The following GNB1 variants were observed in gnomAD, a reference collection of about 807,000 sequenced individuals.
GNB1 encodes guanine nucleotide-binding protein G(I)/G(S)/G(T) subunit beta-1.
In GNB1, 2 loss-of-function variants were observed where a neutral mutation model predicts 42.9. The observed-to-expected ratio is 0.05, with a 90% CI of 0.02 to 0.15. The LOEUF (loss-of-function observed/expected upper bound fraction) is 0.15, where lower values mean the gene tolerates loss of function less well. GNB1 is among the 10% of genes least tolerant of loss of function. GNB1 has a pLI of 1.00. For missense variants in GNB1, 193 were observed against 462.2 expected (o/e 0.42, Z 5.34); for synonymous variants, 183 against 174.7 (o/e 1.05, Z -0.38).
intron 7 of GNB1, among the ~76,000 whole-genome samples, chr1:1,798,970 A>G (rs1314909106): frequency 6.9e-6 from 1 of 145,270 alleles, no homozygotes; most frequent in African/African-American, 2.5e-5. Context: ...CCCAGGTTGG[A>G]GTGCGGTGGC....
At chr1:1,855,429 C>T (rs1036444652) in intron 1 of GNB1, among the ~76,000 whole-genome samples, 7 of 151,744 alleles carry the variant, frequency 4.6e-5, no homozygotes, top group South Asian at 2.1e-4. Flanking sequence ...CGGCCGGGCG[C>T]GGTGGCTCAC....
chr1:1,833,106 C>A (rs1400973418), intron 2 of GNB1, among the ~76,000 whole-genome samples: 1 of 152,136 alleles, frequency 6.6e-6, no homozygotes, highest in African/African-American at 2.4e-5. Context: ...TAGCCGCACA[C>A]CCCTGAGCCT....
chr1:1,815,049 T>C (rs1646834018), intron 5 of GNB1, among the ~76,000 whole-genome samples: 1 of 150,082 alleles, frequency 6.7e-6, no homozygotes, highest in Non-Finnish European at 1.5e-5. Context: ...GAGGCGGAGC[T>C]TGCAGTGAGC....
At chr1:1,842,237 T>C (rs11260621) in intron 1 of GNB1, among the ~76,000 whole-genome samples, 39,880 of 151,964 alleles carry the variant, frequency 0.26, 5,393 homozygotes, top group African/African-American at 0.3. Context: ...GAGACCATCC[T>C]GGCTAACACG....
intron 5 of GNB1, among the ~76,000 whole-genome samples, chr1:1,812,302 A>C (rs1226183174): frequency 2.0e-5 from 3 of 151,938 alleles, no homozygotes; most frequent in Admixed American, 6.6e-5. Flanking sequence ...CCTATGTAAC[A>C]AATCTGCACA....
At chr1:1,873,843 G>A (rs771108503) in intron 1 of GNB1, among the ~76,000 whole-genome samples, 1 of 152,104 alleles carries the variant, frequency 6.6e-6, no homozygotes, top group African/African-American at 2.4e-5. Flanking sequence ...CGAGACTGCT[G>A]GACTGGACAA....
At chr1:1,868,320 C>T (rs1649056222) in intron 1 of GNB1, among the ~76,000 whole-genome samples, 1 of 152,128 alleles carries the variant, frequency 6.6e-6, no homozygotes. Context: ...GGATTACAGG[C>T]ATGAGCCACC....
chr1:1,831,494 G>A (rs939846783), intron 2 of GNB1, among the ~76,000 whole-genome samples: 30 of 152,052 alleles, frequency 2.0e-4, no homozygotes, highest in Non-Finnish European at 3.8e-4. Flanking sequence ...GCCCAGGCTG[G>A]ATGGAGTGCA....
intron 2 of GNB1, among the ~76,000 whole-genome samples, chr1:1,833,023 C>T (rs1409960279): frequency 6.6e-6 from 1 of 152,184 alleles, no homozygotes; most frequent in Non-Finnish European, 1.5e-5. Context: ...AGGCACCATG[C>T]TCACCAAAGT....
intron 1 of GNB1, among the ~76,000 whole-genome samples, chr1:1,871,371 T>C (rs1357318204): frequency 6.6e-6 from 1 of 151,414 alleles, no homozygotes; most frequent in East Asian, 1.9e-4. Flanking sequence ...GAGGCAGGAG[T>C]ATTGCTTGAA....
chr1:1,805,484 G>T (rs528471718), intron 6 of GNB1, among the ~76,000 whole-genome samples: 1 of 152,120 alleles, frequency 6.6e-6, no homozygotes, highest in African/African-American at 2.4e-5. Context: ...AAACCCACAC[G>T]TATTGGAAGG....
chr1:1,887,247 A>G (rs1200864549), intron 1 of GNB1, among the ~76,000 whole-genome samples: 1 of 152,246 alleles, frequency 6.6e-6, no homozygotes, highest in Non-Finnish European at 1.5e-5. Flanking sequence ...CGACAAAACT[A>G]TAATAAATGC....
chr1:1,819,383 G>A (rs540791595), intron 3 of GNB1, among the ~76,000 whole-genome samples: 9 of 151,952 alleles, frequency 5.9e-5, no homozygotes, highest in East Asian at 5.8e-4. Flanking sequence ...CCACCACACC[G>A]GCTAATTTAG....
chr1:1,804,059 TGAG>T (rs1325129894), intron 7 of GNB1, among the ~76,000 whole-genome samples: 1 of 143,662 alleles, frequency 7.0e-6, no homozygotes, highest in Non-Finnish European at 1.5e-5. Context: ...TTTGGGAGGC[TGAG>T]GTGGGTGGAT....
chr1:1,830,495 C>A (rs1342510058), intron 2 of GNB1, among the ~76,000 whole-genome samples: 1 of 151,810 alleles, frequency 6.6e-6, no homozygotes, highest in Non-Finnish European at 1.5e-5. Flanking sequence ...GTGATCCGCC[C>A]GCCTCAGCCT....
rs935605355 is a variant in GNB1 at position 1,790,639 on chromosome 1, C to T, written c.498-43G>A. The T allele has an allele frequency of 6.6e-6, 9 of 1,371,618 alleles. No homozygotes were observed. The highest frequency in any genetic ancestry group is 1.9e-4 in the Middle Eastern group (1 of 5,152). The allele number at this position is 1,371,618 out of a possible 1,614,324, so 85.0% of individuals were successfully genotyped here. A position where few individuals can be genotyped will look rare whatever the true frequency, so the allele number is the denominator to read the frequency against. ...GACAAGGGGACATCAGCCTTAACTTCTTGGGTGGCTAGTCATGTGACAGAC... is the reference window on the plus strand; with the variant it reads ...GACAAGGGGACATCAGCCTTAACTTTTTGGGTGGCTAGTCATGTGACAGAC... On this transcript the variant is annotated intron_variant, in intron 8 of 11. Coordinates refer to ENST00000378609, the MANE Select transcript of GNB1 (RefSeq NM_002074.5). This position sits in a 1 kb window ranked among gnomAD's most constrained non-coding sequence, Gnocchi z 5.4.
chr1:1,872,594 G>A (rs779913990), intron 1 of GNB1, among the ~76,000 whole-genome samples: 26 of 152,086 alleles, frequency 1.7e-4, no homozygotes, highest in Non-Finnish European at 5.9e-5. Flanking sequence ...TGTCCCTTCC[G>A]CAGGGCCTCT....
At chr1:1,838,085 C>T (rs913481988) in intron 2 of GNB1, among the ~76,000 whole-genome samples, 7 of 151,860 alleles carry the variant, frequency 4.6e-5, no homozygotes, top group Non-Finnish European at 8.8e-5. Context: ...CGCCTGTAAT[C>T]CCAGCTAATT....
intron 1 of GNB1, among the ~76,000 whole-genome samples, chr1:1,862,570 T>G (rs1648693830): frequency 6.6e-6 from 1 of 151,668 alleles, no homozygotes; most frequent in South Asian, 2.1e-4. Flanking sequence ...CAAGCAATCC[T>G]CCCACCTCAG....
Sources: gnomAD v4.1 joint callset for allele counts (sites outside exome capture counted in the v4.1 genomes callset) on GRCh38, gnomAD v4.1.1 for gene constraint, Gnocchi (gnomAD v3.1) non-coding constraint, MANE v1.5 for transcripts, NCBI Gene and HGNC (gene_info 2026-07-23, HGNC 2026-07-21) for gene names.